Variants in CCDC171 observed in about 807,000 individuals in gnomAD.
The protein encoded by CCDC171 is coiled-coil domain-containing protein 171.
CCDC171 carries 177 observed loss-of-function variants against 168.2 expected under a neutral mutation model. The observed-to-expected ratio is 1.05, with a 90% CI of 0.93 to 1.19. The LOEUF is 1.19. Ranked by LOEUF, CCDC171 falls within the 50% of genes most tolerant of loss-of-function variation. CCDC171 has a pLI of 0.00. For synonymous variants in CCDC171, 687 were observed against 540.8 expected (o/e 1.27, Z -3.75); for missense variants, 1,991 against 1,539.0 (o/e 1.29, Z -4.91).
chr9:15,737,140 A>T (rs1357818604), intron 16 of CCDC171, among the ~76,000 whole-genome samples: 1 of 152,054 alleles, frequency 6.6e-6, no homozygotes, highest in Non-Finnish European at 1.5e-5. Context: ...TGTAGATAAG[A>T]ATATCAAGAT....
chr9:15,695,527 C>T (rs1187828928), intron 11 of CCDC171, among the ~76,000 whole-genome samples, 190 bp downstream of exon 11: 1 of 152,192 alleles, frequency 6.6e-6, no homozygotes, highest in Non-Finnish European at 1.5e-5. Context: ...TATGGACCTG[C>T]TGTTGTCCTC....
At chr9:15,731,839 C>T (rs1259440238) in intron 16 of CCDC171, among the ~76,000 whole-genome samples, 2 of 152,032 alleles carry the variant, frequency 1.3e-5, no homozygotes, top group Non-Finnish European at 2.9e-5. Context: ...CATTGTTCTA[C>T]ATCCTCTGCA....
chr9:16,038,359 A>G (rs995490239), upstream of CCDC171, among the ~76,000 whole-genome samples: 3 of 152,192 alleles, frequency 2.0e-5, no homozygotes, highest in South Asian at 4.1e-4. Context: ...GTAGAAGTTA[A>G]TAATCTTGAC....
At chr9:16,096,440 A>T in the CCDC171 span, among the ~76,000 whole-genome samples, 8,594 of 152,276 alleles carry the variant, frequency 0.056, 404 homozygotes, top group African/African-American at 0.13. Context: ...TACAGGAAGC[A>T]GAAGATGTGT....
Position 15,722,151 on chromosome 9 carries a change from A to G in CCDC171, c.1425+276A>G, listed in dbSNP as rs549003943. On this transcript the variant is annotated intron_variant, in intron 12 of 25. Coordinates refer to ENST00000380701, the MANE Select transcript of CCDC171 (RefSeq NM_173550.4). The stretch of plus-strand genomic sequence containing the variant: ...TTCATAATTTATCTGTTTTAACTTA[A>G]TGAAAAACACTATGCAAGTAGTTTA... Among the ~76,000 whole-genome samples, 12 of 152,006 alleles carry G rather than the reference A, an allele frequency of 7.9e-5. No individual in the cohort carries two copies. The East Asian group carries it at 2.3e-3, about 29-fold the overall frequency.
chr9:15,941,659 A>G lies in CCDC171; in HGVS notation c.3753+21237A>G, dbSNP rs1383861318. Among the ~76,000 whole-genome samples the G allele has an allele frequency of 2.6e-5, 4 of 152,108 alleles. No homozygotes were observed. The East Asian group carries it at 7.8e-4, about 30-fold the overall frequency. ...ATAACTTTATTTAGATTGGCTGTAC[A>G]TTTATTGAAAATCAAGTGCTACAAT... is the stretch of plus-strand genomic sequence containing the variant. On this transcript the variant is annotated intron_variant, in intron 25 of 25. Coordinates refer to ENST00000380701, the MANE Select transcript of CCDC171 (RefSeq NM_173550.4).
Position 15,578,925 on chromosome 9 carries a change from A to C in CCDC171, c.254A>C (p.Glu85Ala). The change falls in exon 4 of 26, where the codon GAA (glutamate) becomes GCA (alanine). Residue 85 changes from glutamate (E) to alanine (A), a missense_variant. Coordinates refer to ENST00000380701, the MANE Select transcript of CCDC171 (RefSeq NM_173550.4). ...EKGEALRQSL[E>A]YDLAVARKEA... is the part of the protein sequence containing the mutation. Reference sequence around the variant, plus strand: ...GGAGAAGCATTGCGACAAAGTCTGGAATATGACCTAGCTGTTGCTAGAAAG... The same window carrying C: ...GGAGAAGCATTGCGACAAAGTCTGGCATATGACCTAGCTGTTGCTAGAAAG... 1 of 1,614,016 alleles carries C rather than the reference A, an allele frequency of 6.2e-7. No individual in the cohort carries two copies. Among genetic ancestry groups the C allele is most frequent in the South Asian group, 1.1e-5 (1 of 91,058 alleles).
chr9:15,696,291 G>A (rs1173991051), intron 11 of CCDC171, among the ~76,000 whole-genome samples: 1 of 152,172 alleles, frequency 6.6e-6, no homozygotes, highest in Non-Finnish European at 1.5e-5. Context: ...TTGCCTTGTG[G>A]ATCTGTAGAT....
At chr9:16,025,903 C>T (rs1167611988) in intron 6 of CCDC171, among the ~76,000 whole-genome samples, 2 of 152,144 alleles carry the variant, frequency 1.3e-5, no homozygotes, top group Non-Finnish European at 2.9e-5. Flanking sequence ...CTAAAAGCCA[C>T]TAATTGCGCA....
intron 6 of CCDC171, among the ~76,000 whole-genome samples, chr9:16,028,461 A>C (rs1316414356): frequency 2.6e-5 from 4 of 152,204 alleles, no homozygotes; most frequent in Non-Finnish European, 5.9e-5. Flanking sequence ...AAGGAGCTAC[A>C]GTCAGGGTTA....
rs2040460565 is a variant in CCDC171 at position 15,574,275 on chromosome 9, G to A, written c.177+2516G>A. Reference sequence around the variant, plus strand: ...TCCTCCTGCTTCAGCCTCCTGCGTAGCTGGGATTACAGGTGCCTGCCACTG... The same window carrying A: ...TCCTCCTGCTTCAGCCTCCTGCGTAACTGGGATTACAGGTGCCTGCCACTG... On this transcript the variant is annotated intron_variant, in intron 3 of 25. Transcript: ENST00000380701. 2.6e-5 allele frequency among the ~76,000 whole-genome samples: 4 copies of A among 152,036 alleles called. No homozygotes were observed. In the South Asian group the frequency reaches 8.3e-4, roughly 32 times the overall value.
chr9:15,815,161 G>C (rs546440683), intron 21 of CCDC171, among the ~76,000 whole-genome samples: 2 of 152,102 alleles, frequency 1.3e-5, no homozygotes, highest in South Asian at 4.2e-4. Flanking sequence ...CTGCTATCTT[G>C]TCTTTCATCC....
At chr9:15,968,357 T>C (rs901247510) in intron 25 of CCDC171, among the ~76,000 whole-genome samples, 5 of 152,200 alleles carry the variant, frequency 3.3e-5, no homozygotes, top group African/African-American at 1.2e-4. Context: ...TAACTTTTAA[T>C]GTTCTCTGAC....
At chr9:16,034,063 A>T (rs1833417796) in intron 6 of CCDC171, among the ~76,000 whole-genome samples, 1 of 152,228 alleles carries the variant, frequency 6.6e-6, no homozygotes, top group South Asian at 2.1e-4. Flanking sequence ...CTTATCTCAT[A>T]TCTTACATAT....
intron 25 of CCDC171, among the ~76,000 whole-genome samples, chr9:15,922,436 T>G (rs1264668586): frequency 6.6e-6 from 1 of 151,668 alleles, no homozygotes; most frequent in Non-Finnish European, 1.5e-5. Context: ...GGCAATATTG[T>G]TTGGTGGGTA....
chr9:15,625,926 G>A (rs550391721), intron 7 of CCDC171, among the ~76,000 whole-genome samples: 4 of 152,240 alleles, frequency 2.6e-5, no homozygotes, highest in South Asian at 2.1e-4. Flanking sequence ...CCATTTTCAC[G>A]ATATTGCTTC....
chr9:15,636,900 A>G (rs958672494), intron 7 of CCDC171, among the ~76,000 whole-genome samples: 8 of 152,098 alleles, frequency 5.3e-5, no homozygotes, highest in East Asian at 1.9e-4. Context: ...GTGAGGCTGT[A>G]CTATGTAATA....
chr9:15,605,763 C>G (rs192697705), intron 6 of CCDC171, among the ~76,000 whole-genome samples: 1 of 151,922 alleles, frequency 6.6e-6, no homozygotes, highest in Non-Finnish European at 1.5e-5. Flanking sequence ...GCCCCTTTCA[C>G]CTCTGATTTC....
the CCDC171 span, among the ~76,000 whole-genome samples, chr9:16,068,524 C>G: frequency 2.0e-5 from 3 of 152,224 alleles, no homozygotes; most frequent in African/African-American, 7.2e-5. Context: ...AGCACAGACC[C>G]TTGAACCATT....
Sources: gnomAD v4.1 joint callset for allele counts (sites outside exome capture counted in the v4.1 genomes callset) on GRCh38, gnomAD v4.1.1 for gene constraint, MANE v1.5 for transcripts, NCBI Gene and HGNC (gene_info 2026-07-23, HGNC 2026-07-21) for gene names.